Variants in NFATC1 observed in about 807,000 individuals in gnomAD.
NFATC1 encodes the protein nuclear factor of activated T cells 1.
A neutral mutation model predicts 76.0 loss-of-function variants in NFATC1; 22 were observed. The observed-to-expected ratio is 0.29, with a 90% CI of 0.21 to 0.41. The LOEUF (loss-of-function observed/expected upper bound fraction) is 0.41, where lower values mean the gene tolerates loss of function less well. NFATC1 is among the 10% of genes least tolerant of loss of function. The pLI, the probability that NFATC1 is intolerant of heterozygous loss-of-function variation, is 1.00. For missense variants in NFATC1, 1,357 were observed against 1,337.7 expected (o/e 1.01, Z -0.23); for synonymous variants, 704 against 613.1 (o/e 1.15, Z -2.19).
At chr18:79,510,633 C>T (rs1008868193) in intron 9 of NFATC1, among the ~76,000 whole-genome samples, 1 of 152,232 alleles carries the variant, frequency 6.6e-6, no homozygotes, top group African/African-American at 2.4e-5. Flanking sequence ...GTTTGAAACC[C>T]TGAGGATGAG....
rs959198406 is a variant in NFATC1 at position 79,439,134 on chromosome 18, C to T, written c.1386+5396C>T. On this transcript the variant is annotated intron_variant, in intron 3 of 9. Transcript: ENST00000427363. ...ATACCGTGGACAGATTACCACAGCA[C>T]GCACTGTTCCACGCAGGGCCTCATC... Among the ~76,000 whole-genome samples the T allele has an allele frequency of 3.3e-5, 5 of 152,294 alleles. No homozygotes were observed. The East Asian group carries it at 5.8e-4, about 18-fold the overall frequency.
intron 8 of NFATC1, among the ~76,000 whole-genome samples, chr18:79,480,594 G>A (rs1203086580): frequency 2.0e-5 from 3 of 152,144 alleles, no homozygotes; most frequent in African/African-American, 7.2e-5. Context: ...AGATGCGGGG[G>A]TTAATGCCGG....
rs925525988 is a variant in NFATC1, at chr18:79,402,264, C to A, written c.127+5913C>A. 8.8e-6 allele frequency: 8 copies of A among 908,278 alleles called. No homozygotes were observed. In the African/African-American group the frequency reaches 1.3e-4, roughly 14 times the overall value. The allele number at this position is 908,278 out of a possible 1,614,324, so 56.3% of individuals were successfully genotyped here. ...CCCTCGAGGCCTAGTCTCACAAGGA[C>A]GCCACAGTTTATACACCATTTTGAG... is the stretch of plus-strand genomic sequence containing the variant. On this transcript the variant is annotated intron_variant, in intron 1 of 9. Coordinates refer to ENST00000427363, the MANE Select transcript of NFATC1 (RefSeq NM_001278669.2).
At chr18:79,482,330 C>A (rs1255443068) in intron 8 of NFATC1, among the ~76,000 whole-genome samples, 123 of 97,320 alleles carry the variant, frequency 1.3e-3, no homozygotes, top group East Asian at 1.9e-3. Context: ...CCTGGGGTGT[C>A]ATTCCAGCGT....
At chr18:79,515,563 G>C (rs1439132252) in intron 9 of NFATC1, among the ~76,000 whole-genome samples, 2 of 151,844 alleles carry the variant, frequency 1.3e-5, no homozygotes, top group Non-Finnish European at 2.9e-5. Context: ...TGGAGCTTTT[G>C]ACCTCCTGCT....
intron 2 of NFATC1, among the ~76,000 whole-genome samples, chr18:79,427,965 TGGC>T (rs1325818747): frequency 2.0e-4 from 2 of 9,814 alleles, no homozygotes; most frequent in African/African-American, 4.5e-4. Context: ...GTGCAGTGGG[TGGC>T]GGGGGGGTGC....
chr18:79,505,854 G>T (rs987872386), intron 9 of NFATC1, among the ~76,000 whole-genome samples: 104 of 143,546 alleles, frequency 7.2e-4, no homozygotes, highest in Non-Finnish European at 1.5e-3. Context: ...GGAGACTGCT[G>T]CGTGGGAGGA....
chr18:79,396,137 C>A lies in NFATC1; in HGVS notation c.-88C>A. The A allele has an allele frequency of 3.1e-6, 4 of 1,291,492 alleles. No homozygotes were observed. The highest frequency in any genetic ancestry group is 1.6e-5 in the African/African-American group (1 of 62,998). The allele number at this position is 1,291,492 out of a possible 1,614,324, so 80.0% of individuals were successfully genotyped here. A position where few individuals can be genotyped will look rare whatever the true frequency, so the allele number is the denominator to read the frequency against. ...GCGCTGAGCCCGGGGCGAGGGCTGT[C>A]TTCCCGGAGACCCGACCCCGGCAGC... On this transcript the variant is annotated 5_prime_UTR_variant, in exon 1 of 10. Transcript: ENST00000427363.
intron 8 of NFATC1, among the ~76,000 whole-genome samples, chr18:79,478,944 G>A (rs1325980037): frequency 6.6e-6 from 1 of 152,200 alleles, no homozygotes; most frequent in Non-Finnish European, 1.5e-5. Flanking sequence ...TCTGCACGCC[G>A]CTGACCACTG....
intron 1 of NFATC1, among the ~76,000 whole-genome samples, chr18:79,403,817 A>G (rs993851530): frequency 1.3e-5 from 2 of 152,376 alleles, no homozygotes; most frequent in East Asian, 1.9e-4. Context: ...CTCTTCCCCA[A>G]GAGGGCCCGG....
chr18:79,476,989 C>G (rs986043522), intron 8 of NFATC1, among the ~76,000 whole-genome samples: 4 of 152,244 alleles, frequency 2.6e-5, no homozygotes, highest in African/African-American at 9.6e-5. Context: ...GGACCCTTCT[C>G]TGTCTCCCAC....
At chr18:79,432,368 C>T (rs1381928225) in intron 2 of NFATC1, among the ~76,000 whole-genome samples, 2 of 151,810 alleles carry the variant, frequency 1.3e-5, no homozygotes, top group Non-Finnish European at 2.9e-5. Flanking sequence ...TCTGCCCACA[C>T]GGAGGTGAGG....
intron 9 of NFATC1, among the ~76,000 whole-genome samples, chr18:79,519,781 G>C (rs1234547064): frequency 6.6e-6 from 1 of 152,234 alleles, no homozygotes; most frequent in Non-Finnish European, 1.5e-5. Flanking sequence ...TCAGGATCCT[G>C]GGTCTCCGTC....
chr18:79,475,384 G>A (rs145987361), intron 8 of NFATC1, among the ~76,000 whole-genome samples: 6,129 of 150,048 alleles, frequency 0.041, 364 homozygotes, highest in African/African-American at 0.14. Flanking sequence ...TCGACGTTGC[G>A]AGGGAAGCGT....
intron 8 of NFATC1, chr18:79,468,717 C>G (rs990231468): frequency 2.0e-5 from 3 of 152,284 alleles, no homozygotes; most frequent in Non-Finnish European, 2.9e-5. Flanking sequence ...ATCAGGCAAG[C>G]TCTGGAAAGG....
intron 8 of NFATC1, among the ~76,000 whole-genome samples, chr18:79,475,163 T>C (rs111999467): frequency 0.026 from 3,625 of 140,234 alleles, 234 homozygotes; most frequent in African/African-American, 0.098. Flanking sequence ...TCACACTCAC[T>C]GTCGACGTTG....
intron 2 of NFATC1, among the ~76,000 whole-genome samples, chr18:79,427,663 CTG>C (rs150738945): frequency 0.04 from 2,925 of 73,590 alleles, 142 homozygotes; most frequent in Middle Eastern, 0.11. Flanking sequence ...CGGCTGGCCT[CTG>C]TGTGGTGTGG....
chr18:79,492,411 A>T (rs1447638987), intron 9 of NFATC1, among the ~76,000 whole-genome samples: 1 of 152,040 alleles, frequency 6.6e-6, no homozygotes, highest in Admixed American at 6.6e-5. Context: ...AAAAATACAA[A>T]AATTAGCTGG....
chr18:79,467,350 G>C lies in NFATC1; in HGVS notation c.1960-100G>C, dbSNP rs538424548. 264 of 1,209,520 alleles carry C rather than the reference G, an allele frequency of 2.2e-4. 2 individuals are homozygous for C. The highest frequency in any genetic ancestry group is 8.7e-4 in the Middle Eastern group (3 of 3,442). 74.9% of individuals were successfully genotyped at this position (1,209,520 alleles called of 1,614,324 possible). ...CCGTGGAAACGCGGGGTTGCCGTGT[G>C]GCCGCCGTGGAAACGCGGGGTTGCC... On this transcript the variant is annotated intron_variant, in intron 7 of 9. Transcript: ENST00000427363.
Sources: allele counts gnomAD v4.1 joint callset (sites outside exome capture counted in the v4.1 genomes callset), GRCh38; gene constraint gnomAD v4.1.1; transcripts MANE v1.5; gene names NCBI Gene and HGNC (gene_info 2026-07-23, HGNC 2026-07-21).